The following ADAMTSL1 variants were observed in gnomAD, a reference collection of about 807,000 sequenced individuals.
ADAMTSL1 encodes the protein ADAMTS-like protein 1.
ADAMTSL1 carries 126 observed loss-of-function variants against 201.8 expected under a neutral mutation model. The ratio of observed to expected loss-of-function variants is 0.62; its 90% confidence interval spans 0.54 to 0.72. The LOEUF (loss-of-function observed/expected upper bound fraction) is 0.72. Ranked by LOEUF, ADAMTSL1 falls within the 30% of genes least tolerant of loss-of-function variation. The probability of loss-of-function intolerance (pLI) is 0.00; values close to 1 mark genes in which losing one functional copy is unlikely to be tolerated. For synonymous variants in ADAMTSL1, 1,121 were observed against 903.4 expected (o/e 1.24, Z -4.32); for missense variants, 2,679 against 2,277.8 (o/e 1.18, Z -3.59).
In ADAMTSL1 at chr9:18,017,426, C is replaced by T. The variant is rs562698711; in HGVS notation, c.87+110504C>T. On this transcript the variant is annotated intron_variant, in intron 1 of 29. Transcript: ENST00000680146. ...GCACTGACAGTTTGTTTTGTAATCC[C>T]CCCAAATTTGAGAAGCCTGTTGGGA... Among the ~76,000 whole-genome samples the T allele has an allele frequency of 2.6e-5, 4 of 151,942 alleles. No individual in the cohort carries two copies. In the South Asian group the frequency reaches 8.3e-4, roughly 32 times the overall value.
intron 3 of ADAMTSL1, among the ~76,000 whole-genome samples, chr9:18,534,780 C>T (rs1819654384): frequency 6.6e-6 from 1 of 152,226 alleles, no homozygotes; most frequent in Admixed American, 6.5e-5. Context: ...GCTGCCAAGG[C>T]TTGGGGCTTG....
intron 23 of ADAMTSL1, among the ~76,000 whole-genome samples, chr9:18,845,280 A>G (rs1394980368): frequency 2.6e-5 from 4 of 152,212 alleles, no homozygotes; most frequent in Non-Finnish European, 5.9e-5. Flanking sequence ...TGTCAGCCCC[A>G]CAGAAAGCAA....
At chr9:18,198,105 A>G (rs539019498) in intron 2 of ADAMTSL1, among the ~76,000 whole-genome samples, 2 of 152,326 alleles carry the variant, frequency 1.3e-5, no homozygotes, top group African/African-American at 4.8e-5. Flanking sequence ...ACAAAAATCA[A>G]TTCAAGATGG....
chr9:18,822,991 C>CAATT (rs1310087968), intron 21 of ADAMTSL1, among the ~76,000 whole-genome samples: 9 of 152,162 alleles, frequency 5.9e-5, no homozygotes, highest in Non-Finnish European at 1.5e-5. Context: ...TATAACACCT[C>CAATT]AATTATTGTT....
intron 2 of ADAMTSL1, among the ~76,000 whole-genome samples, chr9:18,196,075 C>T (rs773446680): frequency 2.0e-5 from 3 of 152,012 alleles, no homozygotes; most frequent in East Asian, 1.9e-4. Flanking sequence ...CACGGGTGGA[C>T]GTTTTGTAAC....
chr9:18,530,351 A>T (rs756991820), intron 2 of ADAMTSL1, among the ~76,000 whole-genome samples: 2 of 152,156 alleles, frequency 1.3e-5, no homozygotes, highest in Admixed American at 6.5e-5. Flanking sequence ...AAAAATTTTT[A>T]AAAAGGATGA....
intron 2 of ADAMTSL1, among the ~76,000 whole-genome samples, chr9:18,421,193 A>C (rs1348264582): frequency 6.6e-6 from 1 of 152,190 alleles, no homozygotes; most frequent in Non-Finnish European, 1.5e-5. Flanking sequence ...GGGAAGCTTT[A>C]CATTCTTAAA....
chr9:18,247,030 C>T (rs1467280238), intron 2 of ADAMTSL1, among the ~76,000 whole-genome samples: 1 of 152,006 alleles, frequency 6.6e-6, no homozygotes, highest in Non-Finnish European at 1.5e-5. Context: ...TCTAGTTATG[C>T]ATGTGTTTTT....
chr9:18,234,067 A>C (rs1285317795), intron 2 of ADAMTSL1, among the ~76,000 whole-genome samples: 1 of 152,190 alleles, frequency 6.6e-6, no homozygotes, highest in Non-Finnish European at 1.5e-5. Flanking sequence ...AGAAGTGCAC[A>C]CATTGGAGAA....
chr9:18,522,326 G>T (rs888396504), intron 2 of ADAMTSL1, among the ~76,000 whole-genome samples: 1 of 152,046 alleles, frequency 6.6e-6, no homozygotes, highest in African/African-American at 2.4e-5. Flanking sequence ...TAATAACAAT[G>T]TATCTGCAGA....
chr9:18,332,783 T>C (rs776072555), intron 2 of ADAMTSL1, among the ~76,000 whole-genome samples: 21 of 152,272 alleles, frequency 1.4e-4, no homozygotes, highest in Non-Finnish European at 2.6e-4. Flanking sequence ...CTCTGGCCCA[T>C]TGAACCGCCA....
At chr9:18,148,782 AAG>A (rs1373355018) in intron 1 of ADAMTSL1, among the ~76,000 whole-genome samples, 1 of 152,054 alleles carries the variant, frequency 6.6e-6, no homozygotes, top group African/African-American at 2.4e-5. Context: ...TTTAAACAAA[AAG>A]AGTTTGGTGA....
intron 1 of ADAMTSL1, among the ~76,000 whole-genome samples, chr9:18,030,749 A>G (rs756133872): frequency 6.6e-6 from 1 of 152,088 alleles, no homozygotes; most frequent in Non-Finnish European, 1.5e-5. Flanking sequence ...GTATACTCAA[A>G]TATGTTTTCC....
At chr9:18,790,027 C>G (rs1327965253) in intron 19 of ADAMTSL1, among the ~76,000 whole-genome samples, 1 of 152,028 alleles carries the variant, frequency 6.6e-6, no homozygotes, top group East Asian at 1.9e-4. Flanking sequence ...ATTTCTCTAC[C>G]CAGAACCTGA....
intron 14 of ADAMTSL1, among the ~76,000 whole-genome samples, chr9:18,716,435 A>G (rs1440719765): frequency 1.3e-5 from 2 of 152,190 alleles, no homozygotes; most frequent in African/African-American, 4.8e-5. Flanking sequence ...AAGGACATGA[A>G]CACAGACTTC....
At chr9:18,624,360 A>G (rs1205641218) in intron 5 of ADAMTSL1, among the ~76,000 whole-genome samples, 1 of 152,182 alleles carries the variant, frequency 6.6e-6, no homozygotes, top group African/African-American at 2.4e-5. Context: ...TAGAGGCATA[A>G]TTCTCTTGTA....
chr9:18,688,658 T>TAAAAAAA (rs1270730704), intron 13 of ADAMTSL1, among the ~76,000 whole-genome samples: 1 of 6,590 alleles, frequency 1.5e-4, no homozygotes, highest in Non-Finnish European at 3.2e-4. Flanking sequence ...ACAGAGCATT[T>TAAAAAAA]CAAAAAAAAA....
chr9:18,038,315 A>G (rs556886393), intron 1 of ADAMTSL1, among the ~76,000 whole-genome samples: 1 of 152,256 alleles, frequency 6.6e-6, no homozygotes, highest in South Asian at 2.1e-4. Flanking sequence ...TGGGGATCTT[A>G]GAATGGTCCA....
chr9:18,192,739 GA>G (rs1238310432), intron 2 of ADAMTSL1, among the ~76,000 whole-genome samples: 9 of 151,948 alleles, frequency 5.9e-5, no homozygotes, highest in Admixed American at 2.0e-4. Context: ...AATTAATACA[GA>G]AAAAAGTGCA....
Sources: gnomAD v4.1 joint callset for allele counts (sites outside exome capture counted in the v4.1 genomes callset) on GRCh38, gnomAD v4.1.1 for gene constraint, MANE v1.5 for transcripts, NCBI Gene and HGNC (gene_info 2026-07-23, HGNC 2026-07-21) for gene names.